GLIS3: variants seen among roughly 807,000 people sequenced by gnomAD.
GLIS3 encodes the protein zinc finger protein GLIS3.
Under a neutral mutation model 78.6 loss-of-function variants are expected in GLIS3, and 53 were observed. The observed-to-expected ratio is 0.67, with a 90% CI of 0.54 to 0.85. The LOEUF (loss-of-function observed/expected upper bound fraction) is 0.85, where lower values mean the gene tolerates loss of function less well. Ranked by LOEUF, GLIS3 falls within the 40% of genes least tolerant of loss-of-function variation. GLIS3 has a pLI of 0.00. For missense variants in GLIS3, 1,703 were observed against 1,231.1 expected (o/e 1.38, Z -5.74); for synonymous variants, 684 against 509.9 (o/e 1.34, Z -4.60).
chr9:4,228,126 A>C (rs1323557350), intron 2 of GLIS3, among the ~76,000 whole-genome samples: 1 of 151,692 alleles, frequency 6.6e-6, no homozygotes, highest in Non-Finnish European at 1.5e-5. Context: ...GTTGTCAGGG[A>C]ATACAAATAA....
Position 4,042,345 on chromosome 9 carries a change from A to G in GLIS3, c.1710+75423T>C, listed in dbSNP as rs374769545. 1.5e-4 allele frequency among the ~76,000 whole-genome samples: 23 copies of G among 152,348 alleles called. No homozygotes were observed. In the South Asian group the frequency reaches 2.3e-3, roughly 15 times the overall value. On this transcript the variant is annotated intron_variant, in intron 4 of 10. Transcript: ENST00000381971. ...TGAAATGGGAACAGTGTTAACTGTC[A>G]GCCAAACATAGACTAAACCTAAGCT...
In GLIS3 at chr9:3,977,680, G is replaced by A. The variant is rs566377672; in HGVS notation, c.1711-40491C>T. 1.3e-5 allele frequency among the ~76,000 whole-genome samples: 2 copies of A among 152,316 alleles called. No individual in the cohort carries two copies. Among genetic ancestry groups the A allele is most frequent in the Admixed American group, 1.3e-4 (2 of 15,300 alleles). ...TGGCAGAATGACGGCTTAGTTCAAAGATCATAGAGATGTTACTTTACTTTA... is the reference window on the plus strand; with the variant it reads ...TGGCAGAATGACGGCTTAGTTCAAAAATCATAGAGATGTTACTTTACTTTA... On this transcript the variant is annotated intron_variant, in intron 4 of 10. Coordinates refer to ENST00000381971, the MANE Select transcript of GLIS3 (RefSeq NM_001042413.2). This position sits in a 1 kb window ranked among gnomAD's most constrained non-coding sequence, Gnocchi z 4.1.
chr9:4,070,004 T>C (rs1026977384), intron 4 of GLIS3, among the ~76,000 whole-genome samples: 1 of 152,050 alleles, frequency 6.6e-6, no homozygotes, highest in Non-Finnish European at 1.5e-5. Flanking sequence ...GCCTATGGTA[T>C]CAAGGCACAG....
intron 2 of GLIS3, among the ~76,000 whole-genome samples, chr9:4,277,021 G>C (rs113363121): frequency 1.3e-5 from 2 of 152,072 alleles, no homozygotes; most frequent in Admixed American, 6.5e-5. Context: ...TGATTAAAAA[G>C]CAGAAGTGAA....
chr9:4,236,944 A>G (rs1157139266), intron 2 of GLIS3, among the ~76,000 whole-genome samples: 2 of 152,106 alleles, frequency 1.3e-5, no homozygotes, highest in Non-Finnish European at 2.9e-5. Flanking sequence ...TGGGCTCAGC[A>G]TCGTCTCAGG....
chr9:4,139,343 G>A (rs897972503), intron 2 of GLIS3, among the ~76,000 whole-genome samples: 2 of 152,176 alleles, frequency 1.3e-5, no homozygotes, highest in African/African-American at 4.8e-5. Context: ...AATAGGTAAT[G>A]AATACAACTT....
chr9:4,143,521 T>G (rs547803340), intron 2 of GLIS3, among the ~76,000 whole-genome samples: 4 of 151,796 alleles, frequency 2.6e-5, no homozygotes, highest in African/African-American at 9.7e-5. Context: ...GAGCCGAGAT[T>G]GCACCACTGC....
rs372528723 is a variant in GLIS3 at position 4,320,902 on chromosome 9, AAAATGCAAGTTTTG to A, written n.265-10388_265-10375del. On this transcript the variant is annotated intron_variant and non_coding_transcript_variant, in intron 2 of 4. Transcript: ENST00000471664. ...ACACTGAAGGCAGGTAAGTTTTTTC[AAAATGCAAGTTTTG>A]AAAGTCTGTCTCCTGCTTGAGCATT... Among the ~76,000 whole-genome samples, 244 of 152,178 alleles carry A rather than the reference AAAATGCAAGTTTTG, an allele frequency of 1.6e-3. 7 individuals are homozygous for A. In the East Asian group the frequency reaches 0.043, roughly 27 times the overall value.
intron 6 of GLIS3, chr9:3,901,331 C>G (rs959599802): frequency 3.9e-5 from 6 of 153,452 alleles, no homozygotes; most frequent in African/African-American, 1.4e-4. Flanking sequence ...TGTGCCAAAG[C>G]TGGCTCGCAC....
intron 7 of GLIS3, 75 bp from the exon 8 acceptor site, chr9:3,879,670 A>G: frequency 6.6e-7 from 1 of 1,507,066 alleles, no homozygotes; most frequent in East Asian, 2.3e-5. Flanking sequence ...GAAGCCTGAC[A>G]GCAAGCATAT....
rs577604162 is a variant in GLIS3 at position 4,266,921 on chromosome 9, C to T, written c.388+19117G>A. On this transcript the variant is annotated intron_variant, in intron 2 of 10. Coordinates refer to ENST00000381971, the MANE Select transcript of GLIS3 (RefSeq NM_001042413.2). The stretch of plus-strand genomic sequence containing the variant: ...GAAATCCATTTTGACTCTAAATAAA[C>T]CCATAAATTTTACAGACCTGCTGAT... Among the ~76,000 whole-genome samples, 39 of 152,238 alleles carry T rather than the reference C, an allele frequency of 2.6e-4. 1 individual carries two copies. In the East Asian group the frequency reaches 7.3e-3, roughly 29 times the overall value.
intron 2 of GLIS3, among the ~76,000 whole-genome samples, chr9:4,329,278 G>T (rs1390844010): frequency 6.6e-6 from 1 of 152,166 alleles, no homozygotes; most frequent in Non-Finnish European, 1.5e-5. Context: ...TCGCATGTGT[G>T]TGTGCAGTGC....
intron 4 of GLIS3, among the ~76,000 whole-genome samples, chr9:4,056,582 G>T (rs1826170977): frequency 6.6e-6 from 1 of 152,110 alleles, no homozygotes; most frequent in Admixed American, 6.6e-5. Context: ...AGTAAAGGTT[G>T]AAGAGAGAAG....
intron 4 of GLIS3, among the ~76,000 whole-genome samples, chr9:3,957,792 A>C (rs1817243461): frequency 6.6e-6 from 1 of 152,192 alleles, no homozygotes; most frequent in South Asian, 2.1e-4. Context: ...TGTCTGAAAA[A>C]TTAAGCATTT....
At position 4,015,915 on chromosome 9, in the gene GLIS3, T is replaced by G. The variant is rs555148903; in HGVS notation, c.1711-78726A>C. 1.7e-3 allele frequency among the ~76,000 whole-genome samples: 246 copies of G among 145,298 alleles called. 2 individuals are homozygous for G. The highest frequency in any genetic ancestry group is 3.5e-3 in the Middle Eastern group (1 of 282). Reference sequence around the variant, plus strand: ...AAAAAAAAAAAAAAAAAAAAAAAGATTTTCCTCCACAACAACCGTCATAAC... The same window carrying G: ...AAAAAAAAAAAAAAAAAAAAAAAGAGTTTCCTCCACAACAACCGTCATAAC... On this transcript the variant is annotated intron_variant, in intron 4 of 10. Coordinates refer to ENST00000381971, the MANE Select transcript of GLIS3 (RefSeq NM_001042413.2).
intron 4 of GLIS3, among the ~76,000 whole-genome samples, chr9:4,052,400 T>C (rs1825807287): frequency 1.3e-5 from 2 of 152,194 alleles, no homozygotes; most frequent in South Asian, 4.1e-4. Flanking sequence ...AATGCATTCA[T>C]AATGGTGTAC....
chr9:4,453,219 A>T, the GLIS3 span, among the ~76,000 whole-genome samples: 1 of 152,002 alleles, frequency 6.6e-6, no homozygotes, highest in Non-Finnish European at 1.5e-5. Flanking sequence ...CTAGAAGAAA[A>T]CCTAGGCAGT....
At chr9:4,287,680 A>G (rs918948713) in intron 1 of GLIS3, among the ~76,000 whole-genome samples, 2 of 152,180 alleles carry the variant, frequency 1.3e-5, no homozygotes, top group African/African-American at 4.8e-5. Context: ...TGTATGATCC[A>G]CTCAAAGTGT....
At chr9:4,397,968 C>G in the GLIS3 span, among the ~76,000 whole-genome samples, 2 of 152,052 alleles carry the variant, frequency 1.3e-5, no homozygotes, top group African/African-American at 4.8e-5. Context: ...TTCCCCGTCT[C>G]CTACAGACAG....
Sources: gnomAD v4.1 joint callset for allele counts (sites outside exome capture counted in the v4.1 genomes callset) on GRCh38, gnomAD v4.1.1 for gene constraint, Gnocchi (gnomAD v3.1) non-coding constraint, MANE v1.5 for transcripts, NCBI Gene and HGNC (gene_info 2026-07-23, HGNC 2026-07-21) for gene names.